Variants in IMMT observed in about 807,000 individuals in gnomAD.
The protein encoded by IMMT is inner membrane mitochondrial protein, also known as MICOS complex subunit MIC60.
IMMT carries 40 observed loss-of-function variants against 92.7 expected under a neutral mutation model. The ratio of observed to expected loss-of-function variants is 0.43; its 90% confidence interval spans 0.34 to 0.56. The LOEUF is 0.56. Ranked by LOEUF, IMMT falls within the 20% of genes least tolerant of loss-of-function variation. The pLI is 0.03. For missense variants in IMMT, 831 were observed against 912.1 expected (o/e 0.91, Z 1.14); for synonymous variants, 322 against 336.1 (o/e 0.96, Z 0.46).
At chr2:86,187,409 A>G (rs1472597213) in intron 1 of IMMT, among the ~76,000 whole-genome samples, 1 of 152,194 alleles carries the variant, frequency 6.6e-6, no homozygotes, top group Non-Finnish European at 1.5e-5. Context: ...ATTCCTTTTT[A>G]TGGCTGAATC....
intron 8 of IMMT, 70 bp from the exon 9 acceptor site, chr2:86,159,741 A>C (rs938480361): frequency 7.5e-7 from 1 of 1,336,920 alleles, no homozygotes. Context: ...TGATGTCAGC[A>C]CAGTATATAA....
chr2:86,174,773 T>C (rs189520649), intron 3 of IMMT, among the ~76,000 whole-genome samples: 8 of 152,364 alleles, frequency 5.3e-5, no homozygotes, highest in Admixed American at 5.2e-4. Flanking sequence ...GGACATTCTC[T>C]TTCAGGTCAA....
At chr2:86,182,788 T>C (rs1348478221) in intron 1 of IMMT, among the ~76,000 whole-genome samples, 3 of 151,666 alleles carry the variant, frequency 2.0e-5, no homozygotes, top group East Asian at 1.9e-4. Context: ...GAGGTGGAGG[T>C]TGCAATGAGC....
chr2:86,168,361 G>A (rs576262459), intron 6 of IMMT, among the ~76,000 whole-genome samples: 1 of 152,316 alleles, frequency 6.6e-6, no homozygotes, highest in Non-Finnish European at 1.5e-5. Flanking sequence ...AGTGGCTCAC[G>A]CCTGTAATCC....
chr2:86,165,269 C>T (rs929291872), intron 7 of IMMT, among the ~76,000 whole-genome samples: 2 of 152,204 alleles, frequency 1.3e-5, no homozygotes, highest in African/African-American at 4.8e-5. Flanking sequence ...TGGGTTTGAA[C>T]CCAACACCCT....
chr2:86,193,064 A>C (rs2105752208), intron 1 of IMMT: 2 of 153,304 alleles, frequency 1.3e-5, no homozygotes, highest in South Asian at 4.1e-4. Flanking sequence ...TCCTAGAGTA[A>C]AGAATGGACT....
chr2:86,187,834 C>G (rs1672872013), intron 1 of IMMT, among the ~76,000 whole-genome samples: 1 of 151,590 alleles, frequency 6.6e-6, no homozygotes, highest in African/African-American at 2.4e-5. Context: ...ATCCCTTGAA[C>G]CCAGGAGGTA....
At chr2:86,171,469 C>T (rs1677077438) in intron 4 of IMMT, 124 bp from the exon 5 acceptor site, 2 of 839,170 alleles carry the variant, frequency 2.4e-6, no homozygotes, top group East Asian at 2.7e-5. Flanking sequence ...AATATTTGTA[C>T]TGCCACATGT....
intron 9 of IMMT, chr2:86,159,152 C>T: frequency 3.3e-6 from 1 of 304,432 alleles, no homozygotes; most frequent in Non-Finnish European, 6.4e-6. Flanking sequence ...GTGGCACCAT[C>T]TCAGCTCACT....
intron 3 of IMMT, among the ~76,000 whole-genome samples, chr2:86,178,367 C>G (rs1677587716): frequency 1.3e-5 from 2 of 150,748 alleles, no homozygotes; most frequent in Admixed American, 6.6e-5. Flanking sequence ...GTATCTCACA[C>G]CTGTAATCCC....
At position 86,189,874 on chromosome 2, in the gene IMMT, TG is replaced by T. The variant is rs199989759; in HGVS notation, c.45+5463del. On this transcript the variant is annotated intron_variant, in intron 1 of 14. Coordinates refer to ENST00000410111, the MANE Select transcript of IMMT (RefSeq NM_006839.3). Reference sequence around the variant, plus strand: ...AAAAAAATCCAGTAAGTTTTTACATTGAAATTTTACATTTTACATTACAATT... The same window carrying T: ...AAAAAAATCCAGTAAGTTTTTACATTAAATTTTACATTTTACATTACAATT... 7.7e-4 allele frequency among the ~76,000 whole-genome samples: 118 copies of T among 152,358 alleles called. 3 individuals carry two copies. The East Asian group carries it at 0.018, about 24-fold the overall frequency.
intron 11 of IMMT, among the ~76,000 whole-genome samples, chr2:86,151,759 C>T (rs892850048): frequency 3.3e-5 from 5 of 152,142 alleles, no homozygotes; most frequent in Non-Finnish European, 5.9e-5. Context: ...TTCCAGGAAC[C>T]CTCTTTTAAT....
intron 13 of IMMT, 46 bp downstream of exon 13, chr2:86,147,656 T>C: frequency 6.3e-7 from 1 of 1,576,470 alleles, no homozygotes; most frequent in Non-Finnish European, 8.6e-7. Flanking sequence ...AGTCTCTTAA[T>C]CCTGTCAGGA....
intron 1 of IMMT, among the ~76,000 whole-genome samples, chr2:86,190,785 C>T (rs6719136): frequency 0.46 from 69,917 of 151,978 alleles, 16,632 homozygotes; most frequent in Non-Finnish European, 0.51. Flanking sequence ...GTCAGGAGAT[C>T]GAGACCATCC....
chr2:86,179,398 A>C, intron 3 of IMMT, 35 bp downstream of exon 3: 1 of 1,477,938 alleles, frequency 6.8e-7, no homozygotes, highest in East Asian at 2.4e-5. Context: ...AAAGTATTTC[A>C]TTGGATAAAC....
rs993893078 is a variant in IMMT, at chr2:86,184,200, G to A, written c.46-2828C>T. On this transcript the variant is annotated intron_variant, in intron 1 of 14. Coordinates refer to ENST00000410111, the MANE Select transcript of IMMT (RefSeq NM_006839.3). Reference sequence around the variant, plus strand: ...TTTTTTTTTTAAGAGACTGAGTCTTGCTCTGTTGCCAAGGTTGTGGAATGC... The same window carrying A: ...TTTTTTTTTTAAGAGACTGAGTCTTACTCTGTTGCCAAGGTTGTGGAATGC... 3.3e-5 allele frequency among the ~76,000 whole-genome samples: 5 copies of A among 151,584 alleles called. No homozygotes were observed. The South Asian group carries it at 8.3e-4, about 25-fold the overall frequency.
rs758251509 is a variant in IMMT, at chr2:86,146,164, G to T, written c.1567C>A (p.Gln523Lys). 9 of 1,609,842 alleles carry T rather than the reference G, an allele frequency of 5.6e-6. No homozygotes were observed. The highest frequency in any genetic ancestry group is 6.8e-6 in the Non-Finnish European group (8 of 1,177,168). Residue 523 changes from glutamine to lysine, a missense_variant, in exon 14 of 15, where the codon CAA becomes AAA. Transcript: ENST00000410111. ...LSEKLSEQEL[Q>K]FRRLSQEQVD... ...TGCTCTTGACTGAGACGACGAAATT[G>T]TAATTCTTGTTCAGAGAGTTTCTCA...
At chr2:86,187,422 A>G (rs1344164729) in intron 1 of IMMT, among the ~76,000 whole-genome samples, 1 of 152,196 alleles carries the variant, frequency 6.6e-6, no homozygotes. Context: ...GCTGAATCTA[A>G]TATTTTATCA....
In IMMT at chr2:86,159,549, T is replaced by C; in HGVS notation, c.1019A>G (p.Asn340Ser). 6.2e-7 allele frequency: 1 copy of C among 1,604,888 alleles called. No individual in the cohort carries two copies. Reference protein sequence around the residue: ...KLHNMIVDLDNVVKKVQAAQS... With the variant: ...KLHNMIVDLDSVVKKVQAAQS... ...TAGGAAACATACCTTTTTGACCACA[T>C]TATCCAGATCAACTATCATGTTGTG... The change falls in exon 9 of 15, where the codon AAT becomes AGT. Residue 340 changes from asparagine (N) to serine (S), a missense_variant. By Grantham distance (46) the Asn-to-Ser change is conservative. Transcript: ENST00000410111.
Sources: gnomAD v4.1 joint callset for allele counts (sites outside exome capture counted in the v4.1 genomes callset) on GRCh38, gnomAD v4.1.1 for gene constraint, MANE v1.5 for transcripts, NCBI Gene and HGNC (gene_info 2026-07-23, HGNC 2026-07-21) for gene names.